The following PHTF1 variants were observed in gnomAD, a reference collection of about 807,000 sequenced individuals.
The protein encoded by PHTF1 is putative homeodomain transcription factor 1.
A neutral mutation model predicts 102.4 loss-of-function variants in PHTF1; 88 were observed. The ratio of observed to expected loss-of-function variants is 0.86; its 90% CI spans 0.72 to 1.03. The LOEUF (loss-of-function observed/expected upper bound fraction) is 1.03, where lower values mean the gene tolerates loss of function less well. Among genes scored for constraint, PHTF1 ranks in the 50% least tolerant of loss-of-function variants. The pLI, the probability that PHTF1 is intolerant of heterozygous loss-of-function variation, is 0.00. For synonymous variants in PHTF1, 289 were observed against 305.2 expected (o/e 0.95, Z 0.55); for missense variants, 814 against 909.5 (o/e 0.89, Z 1.35).
intron 3 of PHTF1, among the ~76,000 whole-genome samples, chr1:113,742,417 A>G (rs1297067898): frequency 6.6e-6 from 1 of 152,072 alleles, no homozygotes; most frequent in Non-Finnish European, 1.5e-5. Flanking sequence ...TGAGGTCAGG[A>G]GTTTAAGACC....
At chr1:113,730,359 A>C (rs1654456416) in intron 5 of PHTF1, among the ~76,000 whole-genome samples, 1 of 152,242 alleles carries the variant, frequency 6.6e-6, no homozygotes, top group South Asian at 2.1e-4. Context: ...TTAACATGCT[A>C]AAGAATATAT....
At chr1:113,705,636 G>A (rs1264997626) in intron 13 of PHTF1, 1 of 356,672 alleles carries the variant, frequency 2.8e-6, no homozygotes, top group Non-Finnish European at 5.2e-6. Context: ...CAGATGCTAA[G>A]CAGTCGGCTA....
At chr1:113,706,807 A>C in intron 11 of PHTF1, 85 bp from the exon 12 acceptor site, 1 of 889,612 alleles carries the variant, frequency 1.1e-6, no homozygotes, top group Non-Finnish European at 1.7e-6. Context: ...TCATTTGCCA[A>C]CACTCTAATA....
intron 5 of PHTF1, among the ~76,000 whole-genome samples, chr1:113,734,777 G>A (rs529440599): frequency 2.0e-5 from 3 of 152,270 alleles, no homozygotes; most frequent in East Asian, 3.9e-4. Flanking sequence ...ATAGTTTGGG[G>A]ATGAGTGCCC....
At chr1:113,737,105 GATAA>G (rs1261719377) in intron 5 of PHTF1, among the ~76,000 whole-genome samples, 16 of 152,352 alleles carry the variant, frequency 1.1e-4, no homozygotes, top group South Asian at 1.0e-3. Flanking sequence ...TAGAGACTGA[GATAA>G]ATATAGTGAA....
intron 3 of PHTF1, among the ~76,000 whole-genome samples, chr1:113,754,715 G>A (rs1281816364): frequency 2.0e-5 from 3 of 152,048 alleles, no homozygotes; most frequent in Admixed American, 6.5e-5. Context: ...TTATTATAAT[G>A]TCTATATTTT....
At position 113,739,542 on chromosome 1, in the gene PHTF1, ATATC is replaced by A. The variant is rs567983112; in HGVS notation, c.103-747_103-744del. Among the ~76,000 whole-genome samples, 400 of 152,330 alleles carry A rather than the reference ATATC, an allele frequency of 2.6e-3. 3 individuals carry two copies. Among genetic ancestry groups the A allele is most frequent in the Non-Finnish European group, 4.0e-3 (275 of 68,022 alleles). Reference sequence around the variant, plus strand: ...GCATACAATGTGTAATGATCAAACTATATCTATCACCTTGAACATTTATCATTTC... The same window carrying A: ...GCATACAATGTGTAATGATCAAACTATATCACCTTGAACATTTATCATTTC... On this transcript the variant is annotated intron_variant, in intron 3 of 18. Coordinates refer to ENST00000369604, the MANE Select transcript of PHTF1 (RefSeq NM_001323043.2).
intron 5 of PHTF1, among the ~76,000 whole-genome samples, chr1:113,737,865 T>C (rs1170474379): frequency 6.6e-6 from 1 of 152,134 alleles, no homozygotes; most frequent in Non-Finnish European, 1.5e-5. Flanking sequence ...AAGAAAAGAC[T>C]GAGAAGGCCT....
At chr1:113,698,791 C>G (rs1649123388) in intron 17 of PHTF1, 1 of 194,630 alleles carries the variant, frequency 5.1e-6, no homozygotes, top group African/African-American at 2.4e-5. Flanking sequence ...AGCCTAGCAT[C>G]TATCTCTTAC....
Position 113,710,432 on chromosome 1 carries a change from A to G in PHTF1, c.1091T>C (p.Met364Thr), listed in dbSNP as rs751930916. Residue 364 changes from methionine to threonine, a missense_variant, in exon 11 of 19, where the codon ATG becomes ACG. Physicochemically the swap from Met to Thr is moderately conservative, Grantham distance 81. Transcript: ENST00000369604. The part of the protein sequence containing the change: ...GVSGGSRSLN[M>T]SRRDSESTRH... Reference sequence around the variant, plus strand: ...GGTGCTTTCTGAGTCTCTTCTTGACATGTTGAGGCTTCGAGAGCCACCACT... The same window carrying G: ...GGTGCTTTCTGAGTCTCTTCTTGACGTGTTGAGGCTTCGAGAGCCACCACT... The G allele has an allele frequency of 2.5e-6, 4 of 1,613,940 alleles. No homozygotes were observed. The highest frequency in any genetic ancestry group is 3.4e-6 in the Non-Finnish European group (4 of 1,180,014).
At chr1:113,739,491 G>A (rs1656018345) in intron 3 of PHTF1, among the ~76,000 whole-genome samples, 1 of 151,960 alleles carries the variant, frequency 6.6e-6, no homozygotes, top group Non-Finnish European at 1.5e-5. Context: ...CATATTTATG[G>A]CGTAGAATGT....
chr1:113,698,383 A>T lies in PHTF1; in HGVS notation c.2147T>A (p.Leu716Gln), dbSNP rs780613070. The change falls in exon 18 of 19, where the codon CTG (leucine) becomes CAG (glutamine). Residue 716 changes from leucine (L) to glutamine (Q), a missense_variant. Transcript: ENST00000369604. ...LKLSTKLLKELDTPFRLYGLT... is the reference protein window; with the variant it reads ...LKLSTKLLKEQDTPFRLYGLT... ...TCCATAGAGTCTAAATGGTGTGTCCAGCTCCTACAAAAAACATCAAAGAAT... is the reference window on the plus strand; with the variant it reads ...TCCATAGAGTCTAAATGGTGTGTCCTGCTCCTACAAAAAACATCAAAGAAT... The T allele has an allele frequency of 4.3e-6, 7 of 1,610,672 alleles. No homozygotes were observed. Among genetic ancestry groups the T allele is most frequent in the Non-Finnish European group, 5.9e-6 (7 of 1,178,190 alleles).
intron 6 of PHTF1, 121 bp from the exon 7 acceptor site, chr1:113,725,014 C>CAGA: frequency 1.4e-6 from 1 of 708,222 alleles, no homozygotes; most frequent in Non-Finnish European, 2.2e-6. Flanking sequence ...AGTTTAACTT[C>CAGA]ATATTCTGCG....
intron 5 of PHTF1, 107 bp downstream of exon 5, chr1:113,738,003 T>C: frequency 2.6e-6 from 2 of 780,270 alleles, no homozygotes; most frequent in Non-Finnish European, 4.2e-6. Flanking sequence ...CTGTGTACTT[T>C]AAACTGTCAA....
Position 113,706,036 on chromosome 1 carries a change from A to C in PHTF1, c.1525T>G (p.Ser509Ala), listed in dbSNP as rs756188876. The change falls in exon 13 of 19, where the codon TCA becomes GCA. Residue 509 changes from serine (S) to alanine (A), a missense_variant. Coordinates refer to ENST00000369604, the MANE Select transcript of PHTF1 (RefSeq NM_001323043.2). Reference protein sequence around the residue: ...EKSLDQLKSISAEEILTLFCG... With the variant: ...EKSLDQLKSIAAEEILTLFCG... ...AAGAGAGTCAAGATCTCCTCAGCTG[A>C]AATGGACTTTAGTTGGTCAAGGCTC... 1 of 1,614,190 alleles carries C rather than the reference A, an allele frequency of 6.2e-7. No individual in the cohort carries two copies. Among genetic ancestry groups the C allele is most frequent in the East Asian group, 2.2e-5 (1 of 44,870 alleles).
chr1:113,698,159 ACACAC>A, intron 18 of PHTF1, 98 bp downstream of exon 18: 1 of 104,880 alleles, frequency 9.5e-6, no homozygotes, highest in Non-Finnish European at 1.7e-5. Flanking sequence ...AGAAACACAC[ACACAC>A]ACACACACAC....
chr1:113,748,761 C>T (rs917127396), intron 3 of PHTF1, among the ~76,000 whole-genome samples: 3 of 151,928 alleles, frequency 2.0e-5, no homozygotes, highest in Non-Finnish European at 4.4e-5. Context: ...ATCTTGAACT[C>T]CTGGGCTCAA....
chr1:113,741,783 T>C (rs1656404160), intron 3 of PHTF1, among the ~76,000 whole-genome samples: 1 of 152,036 alleles, frequency 6.6e-6, no homozygotes, highest in Non-Finnish European at 1.5e-5. Context: ...GAATGTACAG[T>C]ATAGAAGGGA....
intron 15 of PHTF1, among the ~76,000 whole-genome samples, chr1:113,702,013 A>G (rs1380859372): frequency 6.6e-6 from 1 of 152,058 alleles, no homozygotes; most frequent in Non-Finnish European, 1.5e-5. Flanking sequence ...TCAGGAAATA[A>G]AAAGCAATGG....
Sources: allele counts gnomAD v4.1 joint callset (sites outside exome capture counted in the v4.1 genomes callset), GRCh38; gene constraint gnomAD v4.1.1; transcripts MANE v1.5; gene names NCBI Gene and HGNC (gene_info 2026-07-23, HGNC 2026-07-21).